CABLES1: variants seen among roughly 807,000 people sequenced by gnomAD.
CABLES1 encodes CDK5 and ABL1 enzyme substrate 1.
Under a neutral mutation model 57.8 loss-of-function variants are expected in CABLES1, and 36 were observed. That is an observed-to-expected ratio of 0.62 (90% CI 0.48 to 0.82). The LOEUF (loss-of-function observed/expected upper bound fraction) is 0.82, where lower values mean the gene tolerates loss of function less well. CABLES1 is among the 40% of genes least tolerant of loss of function. The probability of loss-of-function intolerance (pLI) is 0.00; values close to 1 mark genes in which losing one functional copy is unlikely to be tolerated. For synonymous variants in CABLES1, 374 were observed against 363.0 expected, an observed-to-expected ratio of 1.03 and a Z score of -0.35; for missense variants, 767 against 836.6, an observed-to-expected ratio of 0.92 and a Z score of 1.03.
chr18:23,178,501 T>C (rs766821526), intron 1 of CABLES1, among the ~76,000 whole-genome samples: 1 of 152,226 alleles, frequency 6.6e-6, no homozygotes, highest in Non-Finnish European at 1.5e-5. Context: ...AGGTGTGCTG[T>C]GTCTGCTGCT....
chr18:23,251,154 T>A (rs951962015), intron 7 of CABLES1, among the ~76,000 whole-genome samples: 2 of 152,206 alleles, frequency 1.3e-5, no homozygotes, highest in Non-Finnish European at 2.9e-5. Context: ...TTTGACTGAT[T>A]AAGATTATGG....
At chr18:23,208,561 A>G (rs2047381355) in intron 3 of CABLES1, among the ~76,000 whole-genome samples, 1 of 152,170 alleles carries the variant, frequency 6.6e-6, no homozygotes. Context: ...CATAATATTC[A>G]TTTGTCTCCG....
chr18:23,235,735 G>C (rs573730973), intron 5 of CABLES1, among the ~76,000 whole-genome samples, 160 bp from the exon 6 acceptor site: 2 of 152,312 alleles, frequency 1.3e-5, no homozygotes, highest in Admixed American at 1.3e-4. Context: ...GCACCAATGA[G>C]TACCAAAACA....
chr18:23,234,800 G>A (rs2063008787), intron 5 of CABLES1, 96 bp downstream of exon 5: 1 of 960,290 alleles, frequency 1.0e-6, no homozygotes, highest in African/African-American at 1.6e-5. Flanking sequence ...TCTTGAGGTG[G>A]AGGACTCGAG....
At chr18:23,136,654 GC>G (rs2046824558) in intron 1 of CABLES1, 47 bp downstream of exon 1, 1 of 1,225,604 alleles carries the variant, frequency 8.2e-7, no homozygotes, top group Non-Finnish European at 1.1e-6. Flanking sequence ...GTCCCGCCCG[GC>G]GCTCCCAGCC....
chr18:23,147,140 A>G (rs1281412511), intron 1 of CABLES1, among the ~76,000 whole-genome samples: 1 of 152,220 alleles, frequency 6.6e-6, no homozygotes, highest in Non-Finnish European at 1.5e-5. Flanking sequence ...TTTCCCAATA[A>G]CAACAGCTCT....
intron 1 of CABLES1, among the ~76,000 whole-genome samples, chr18:23,138,396 T>C (rs929642647): frequency 1.1e-4 from 16 of 152,228 alleles, no homozygotes; most frequent in Admixed American, 9.2e-4. Flanking sequence ...CACTGGAAGA[T>C]GCTTCTTTAC....
chr18:23,200,936 CGTTATCTCCTGCAGCCA>C (rs1358768362), intron 3 of CABLES1, among the ~76,000 whole-genome samples: 2 of 152,162 alleles, frequency 1.3e-5, no homozygotes, highest in South Asian at 2.1e-4. Flanking sequence ...TTCCCGCCAG[CGTTATCTCCTGCAGCCA>C]GTTATCTCCT....
At chr18:23,202,013 T>C (rs1228503715) in intron 3 of CABLES1, among the ~76,000 whole-genome samples, 1 of 151,890 alleles carries the variant, frequency 6.6e-6, no homozygotes, top group East Asian at 1.9e-4. Context: ...TGAGGAACTT[T>C]AGGAAAGCCC....
At chr18:23,147,393 G>A (rs146743668) in intron 1 of CABLES1, among the ~76,000 whole-genome samples, 6 of 152,358 alleles carry the variant, frequency 3.9e-5, no homozygotes, top group Admixed American at 3.9e-4. Context: ...TACTTTTGGG[G>A]TGTTGCAAAT....
intron 2 of CABLES1, among the ~76,000 whole-genome samples, chr18:23,190,138 A>T (rs2047231144): frequency 6.6e-6 from 1 of 152,180 alleles, no homozygotes; most frequent in African/African-American, 2.4e-5. Context: ...TCCCTGCAGG[A>T]GTCATACAGA....
At chr18:23,250,700 G>A (rs1013145656) in intron 7 of CABLES1, among the ~76,000 whole-genome samples, 2 of 152,170 alleles carry the variant, frequency 1.3e-5, no homozygotes, top group African/African-American at 4.8e-5. Context: ...GGTTAGCCGG[G>A]ACCAGAATGG....
chr18:23,166,411 C>T (rs1452649981), intron 1 of CABLES1, among the ~76,000 whole-genome samples: 1 of 152,138 alleles, frequency 6.6e-6, no homozygotes, highest in African/African-American at 2.4e-5. Context: ...CTATGTTGGC[C>T]AGGCTGGTCT....
intron 3 of CABLES1, among the ~76,000 whole-genome samples, chr18:23,204,978 C>A (rs1323416987): frequency 6.6e-6 from 1 of 152,168 alleles, no homozygotes; most frequent in East Asian, 1.9e-4. Flanking sequence ...ATCGGCAGTT[C>A]TGTTTTAATC....
chr18:23,158,891 A>G (rs2046983145), intron 1 of CABLES1, among the ~76,000 whole-genome samples: 1 of 152,122 alleles, frequency 6.6e-6, no homozygotes. Flanking sequence ...AAAACTGCCC[A>G]TTTCCCTTCC....
At chr18:23,182,936 G>A (rs564425537) in intron 1 of CABLES1, among the ~76,000 whole-genome samples, 4 of 152,344 alleles carry the variant, frequency 2.6e-5, no homozygotes, top group Middle Eastern at 6.8e-3. Context: ...AGGCTCAGGA[G>A]AGAGGACACC....
chr18:23,192,043 T>C (rs762553250), intron 2 of CABLES1, among the ~76,000 whole-genome samples: 16 of 152,058 alleles, frequency 1.1e-4, no homozygotes, highest in Non-Finnish European at 2.9e-5. Flanking sequence ...CTTGTTAAGT[T>C]ACCCTGTTAA....
intron 7 of CABLES1, among the ~76,000 whole-genome samples, chr18:23,241,505 G>A (rs1159274345): frequency 6.6e-6 from 1 of 152,132 alleles, no homozygotes; most frequent in Non-Finnish European, 1.5e-5. Context: ...ACTTCAGCCT[G>A]GGCGACAAGC....
intron 4 of CABLES1, among the ~76,000 whole-genome samples, chr18:23,216,356 A>C (rs1282549181): frequency 6.6e-6 from 1 of 152,184 alleles, no homozygotes; most frequent in African/African-American, 2.4e-5. Context: ...TCCATGACCC[A>C]CACTGGCAGA....
Sources: gnomAD v4.1 joint callset for allele counts (sites outside exome capture counted in the v4.1 genomes callset) on GRCh38, gnomAD v4.1.1 for gene constraint, MANE v1.5 for transcripts, NCBI Gene and HGNC (gene_info 2026-07-23, HGNC 2026-07-21) for gene names.